The following SUMF1 variants were observed in gnomAD, a reference collection of about 807,000 sequenced individuals.
The protein encoded by SUMF1 is sulfatase modifying factor 1.
In SUMF1, 48 loss-of-function variants were observed where a neutral mutation model predicts 47.6. That is an observed-to-expected ratio of 1.01 (90% CI 0.80 to 1.28). The LOEUF (loss-of-function observed/expected upper bound fraction) is 1.28. SUMF1 is among the 50% of genes most tolerant of loss of function. The pLI is 0.00. For missense variants in SUMF1, 571 were observed against 485.4 expected, an observed-to-expected ratio of 1.18 and a Z score of -1.66; for synonymous variants, 230 against 192.1, an observed-to-expected ratio of 1.20 and a Z score of -1.63.
chr3:4,310,234 G>C (rs1312575517), intron 8 of SUMF1, among the ~76,000 whole-genome samples: 1 of 152,150 alleles, frequency 6.6e-6, no homozygotes, highest in Non-Finnish European at 1.5e-5. Context: ...TATTTGAATA[G>C]AATGTTAGGA....
At chr3:4,075,039 A>C (rs529750194) in intron 8 of SUMF1, among the ~76,000 whole-genome samples, 3 of 151,696 alleles carry the variant, frequency 2.0e-5, no homozygotes, top group Non-Finnish European at 4.4e-5. Flanking sequence ...GAGACACAAC[A>C]AAAAAAAGGG....
At chr3:4,132,432 G>A (rs1395748329) in intron 8 of SUMF1, among the ~76,000 whole-genome samples, 1 of 152,054 alleles carries the variant, frequency 6.6e-6, no homozygotes, top group African/African-American at 2.4e-5. Context: ...GCACAGCTGG[G>A]TCAAAGTTCT....
At position 4,178,510 on chromosome 3, in the gene SUMF1, T is replaced by C. The variant is rs567542596; in HGVS notation, c.1015-109765A>G. On this transcript the variant is annotated intron_variant and NMD_transcript_variant, in intron 8 of 12. Transcript: ENST00000448413. ...CAACAGCCCTTCATGCTAAAAACTCTCAATTAACTAGGCATGGATGGAATG... is the reference window on the plus strand; with the variant it reads ...CAACAGCCCTTCATGCTAAAAACTCCCAATTAACTAGGCATGGATGGAATG... Among the ~76,000 whole-genome samples, 50 of 152,238 alleles carry C rather than the reference T, an allele frequency of 3.3e-4. No individual in the cohort carries two copies. In the South Asian group the frequency reaches 9.1e-3, roughly 28 times the overall value.
At chr3:4,227,373 A>G (rs1329850706) in intron 8 of SUMF1, among the ~76,000 whole-genome samples, 4 of 126,944 alleles carry the variant, frequency 3.2e-5, no homozygotes, top group African/African-American at 1.1e-4. Flanking sequence ...CACAAAATAC[A>G]CTACATTTCA....
chr3:4,171,417 T>A (rs1206801743), intron 8 of SUMF1, among the ~76,000 whole-genome samples: 1 of 152,134 alleles, frequency 6.6e-6, no homozygotes, highest in African/African-American at 2.4e-5. Flanking sequence ...TAGACTTGAG[T>A]TTCATAGATG....
At chr3:4,452,313 T>G (rs1460389618) in intron 2 of SUMF1, among the ~76,000 whole-genome samples, 1 of 152,220 alleles carries the variant, frequency 6.6e-6, no homozygotes, top group Non-Finnish European at 1.5e-5. Flanking sequence ...AACCTTGCTT[T>G]GTGATTCAGT....
At position 4,236,263 on chromosome 3, in the gene SUMF1, G is replaced by A. The variant is rs541953644; in HGVS notation, c.1014+140067C>T. Among the ~76,000 whole-genome samples, 3 of 152,180 alleles carry A rather than the reference G, an allele frequency of 2.0e-5. No individual in the cohort carries two copies. In the East Asian group the frequency reaches 5.8e-4, roughly 29 times the overall value. ...ACATATCTAACAGAAATTGGCAAGG[G>A]ATAATAAATGTGAGCTAACTTTCTC... On this transcript the variant is annotated intron_variant and NMD_transcript_variant, in intron 8 of 12. Coordinates refer to the SUMF1 transcript ENST00000448413.
chr3:4,163,085 T>C (rs1694615614), intron 8 of SUMF1, among the ~76,000 whole-genome samples: 3 of 151,388 alleles, frequency 2.0e-5, no homozygotes, highest in Admixed American at 1.3e-4. Context: ...AAATGTCTGA[T>C]GTAAAGTCAT....
At chr3:4,172,571 G>A (rs1022149089) in intron 8 of SUMF1, among the ~76,000 whole-genome samples, 1 of 152,070 alleles carries the variant, frequency 6.6e-6, no homozygotes, top group Non-Finnish European at 1.5e-5. Context: ...GGTTCAGATG[G>A]GGTTAAGTTA....
Position 4,366,080 on chromosome 3 carries a change from A to G in SUMF1, c.1015-3826T>C, listed in dbSNP as rs893070370. 5.3e-5 allele frequency among the ~76,000 whole-genome samples: 8 copies of G among 151,844 alleles called. No homozygotes were observed. The South Asian group carries it at 6.3e-4, about 12-fold the overall frequency. ...TCTGGCTTGTAGAGTTTCTGCCGAG[A>G]GATCCGCTGTTAGTCTGATGGGCTT... On this transcript the variant is annotated intron_variant, in intron 8 of 8. Coordinates refer to ENST00000272902, the MANE Select transcript of SUMF1 (RefSeq NM_182760.4).
chr3:4,420,684 C>T (rs915350517), intron 3 of SUMF1, among the ~76,000 whole-genome samples: 11 of 152,254 alleles, frequency 7.2e-5, no homozygotes, highest in African/African-American at 2.2e-4. Flanking sequence ...GAGTGAGCCA[C>T]CACACCCGGC....
chr3:4,288,541 A>AC (rs1310538100), intron 8 of SUMF1, among the ~76,000 whole-genome samples: 1 of 152,100 alleles, frequency 6.6e-6, no homozygotes, highest in Non-Finnish European at 1.5e-5. Flanking sequence ...CCATACAATC[A>AC]CCCCACTCAA....
At chr3:4,327,747 G>T (rs537017621) in intron 8 of SUMF1, among the ~76,000 whole-genome samples, 2 of 152,064 alleles carry the variant, frequency 1.3e-5, no homozygotes, top group South Asian at 4.2e-4. Flanking sequence ...TTGGACTTAA[G>T]GGGACCTAAT....
chr3:4,146,976 G>A (rs550097549), intron 8 of SUMF1, among the ~76,000 whole-genome samples: 3 of 152,086 alleles, frequency 2.0e-5, no homozygotes, highest in South Asian at 2.1e-4. Context: ...TTGCTATTGT[G>A]AATACAAACA....
chr3:4,164,928 C>G (rs1694663975), intron 8 of SUMF1, among the ~76,000 whole-genome samples: 1 of 152,142 alleles, frequency 6.6e-6, no homozygotes, highest in East Asian at 1.9e-4. Context: ...CTTCCTTTCC[C>G]TAAGTTATCG....
intron 6 of SUMF1, 137 bp from the exon 7 acceptor site, chr3:4,411,115 G>T: frequency 1.2e-6 from 1 of 817,372 alleles, no homozygotes; most frequent in South Asian, 1.4e-5. Context: ...AGTACAATTT[G>T]ACCAACATAA....
intron 8 of SUMF1, among the ~76,000 whole-genome samples, chr3:4,148,275 A>C (rs1694241139): frequency 1.3e-5 from 2 of 152,156 alleles, no homozygotes; most frequent in Non-Finnish European, 2.9e-5. Context: ...TTTCTCACCC[A>C]AGAGATGGGG....
intron 8 of SUMF1, among the ~76,000 whole-genome samples, chr3:4,315,786 C>G (rs1394383260): frequency 1.3e-5 from 2 of 152,018 alleles, no homozygotes; most frequent in East Asian, 3.9e-4. Context: ...GTGGCTCACA[C>G]CTGTAATCCC....
intron 1 of SUMF1, among the ~76,000 whole-genome samples, chr3:4,463,792 C>G (rs1167482150): frequency 6.6e-6 from 1 of 152,190 alleles, no homozygotes; most frequent in East Asian, 1.9e-4. Flanking sequence ...AATAACTCTT[C>G]TAAAAGATAA....
Sources: allele counts gnomAD v4.1 joint callset (sites outside exome capture counted in the v4.1 genomes callset), GRCh38; gene constraint gnomAD v4.1.1; transcripts MANE v1.5; gene names NCBI Gene and HGNC (gene_info 2026-07-23, HGNC 2026-07-21).